RANBP17: variants seen among roughly 807,000 people sequenced by gnomAD.
RANBP17 encodes the protein ran-binding protein 17.
RANBP17 carries 158 observed loss-of-function variants against 141.2 expected under a neutral mutation model. The ratio of observed to expected loss-of-function variants is 1.12; its 90% CI spans 0.98 to 1.28. The LOEUF (loss-of-function observed/expected upper bound fraction) is 1.28. Among genes scored for constraint, RANBP17 ranks in the 50% most tolerant of loss-of-function variants. RANBP17 has a pLI of 0.00. For missense variants in RANBP17, 1,438 were observed against 1,290.7 expected (o/e 1.11, Z -1.75); for synonymous variants, 430 against 450.0 (o/e 0.96, Z 0.56).
chr5:171,118,637 A>G (rs1045630475), intron 14 of RANBP17, among the ~76,000 whole-genome samples: 1 of 151,984 alleles, frequency 6.6e-6, no homozygotes, highest in Admixed American at 6.6e-5. Flanking sequence ...ATTTCTTGGT[A>G]TTTTTGTAGC....
At chr5:171,010,197 A>G (rs1779941511) in intron 14 of RANBP17, among the ~76,000 whole-genome samples, 1 of 152,172 alleles carries the variant, frequency 6.6e-6, no homozygotes, top group African/African-American at 2.4e-5. Flanking sequence ...TTAAAGAATT[A>G]AAGAGAGATC....
chr5:170,975,977 A>G (rs1319505362), intron 14 of RANBP17, among the ~76,000 whole-genome samples: 1 of 130,416 alleles, frequency 7.7e-6, no homozygotes, highest in East Asian at 2.5e-4. Flanking sequence ...TTCTATTGAG[A>G]TAAATAGGCA....
chr5:171,265,828 A>AC lies in RANBP17; in HGVS notation c.2927dup (p.Asp977ArgfsTer17), dbSNP rs778895756. On this transcript the variant is annotated frameshift_variant, in exon 25 of 28. Transcript: ENST00000523189. LOFTEE classifies it high-confidence loss of function. Reference sequence around the variant, plus strand: ...AGACTATTACATTTTATGCAGCAAAACCCAGATGTCCTGCAGCAGGTAACT... The same window carrying AC: ...AGACTATTACATTTTATGCAGCAAAACCCCAGATGTCCTGCAGCAGGTAACT... 6.2e-7 allele frequency: 1 copy of AC among 1,613,524 alleles called. No homozygotes were observed. The highest frequency in any genetic ancestry group is 1.7e-5 in the Admixed American group (1 of 59,886).
rs571279817 is a variant in RANBP17, at chr5:171,149,976, G to A, written c.1711-20154G>A. Among the ~76,000 whole-genome samples, 26 of 152,256 alleles carry A rather than the reference G, an allele frequency of 1.7e-4. 1 individual carries two copies. In the South Asian group the frequency reaches 5.0e-3, roughly 29 times the overall value. Reference sequence around the variant, plus strand: ...CTAGTGAACAGATGTGGGGGTAGGGGGAGGCAAGCAGAGTGTTGAAGCAGG... The same window carrying A: ...CTAGTGAACAGATGTGGGGGTAGGGAGAGGCAAGCAGAGTGTTGAAGCAGG... On this transcript the variant is annotated intron_variant, in intron 14 of 27. Transcript: ENST00000523189.
chr5:170,867,582 T>A (rs1767363769), intron 1 of RANBP17, among the ~76,000 whole-genome samples: 1 of 152,148 alleles, frequency 6.6e-6, no homozygotes, highest in Non-Finnish European at 1.5e-5. Context: ...CAGTTTCTGT[T>A]TATTGTAATC....
At chr5:170,971,710 T>C (rs1053739593) in intron 14 of RANBP17, among the ~76,000 whole-genome samples, 7 of 152,230 alleles carry the variant, frequency 4.6e-5, no homozygotes, top group Admixed American at 3.9e-4. Context: ...CTGTGAATTT[T>C]ACTTTTGGAG....
At chr5:171,046,787 A>G (rs1442932358) in intron 14 of RANBP17, among the ~76,000 whole-genome samples, 1 of 152,148 alleles carries the variant, frequency 6.6e-6, no homozygotes, top group Non-Finnish European at 1.5e-5. Context: ...TTATCTTGCC[A>G]TCAATGTCAT....
intron 24 of RANBP17, among the ~76,000 whole-genome samples, chr5:171,245,958 A>C (rs1056269154): frequency 5.4e-5 from 8 of 148,222 alleles, no homozygotes; most frequent in African/African-American, 2.0e-4. Context: ...GGCTCACTGC[A>C]ACCTCCGCCT....
At chr5:171,024,605 A>G (rs765048069) in intron 14 of RANBP17, among the ~76,000 whole-genome samples, 16 of 152,190 alleles carry the variant, frequency 1.1e-4, no homozygotes, top group Non-Finnish European at 1.8e-4. Context: ...CTTATTCAAC[A>G]TAATCAACCA....
At chr5:171,103,449 C>T (rs1787319481) in intron 14 of RANBP17, among the ~76,000 whole-genome samples, 2 of 152,110 alleles carry the variant, frequency 1.3e-5, no homozygotes, top group South Asian at 4.2e-4. Flanking sequence ...ATTCCCCTCC[C>T]CCCACAAAGC....
intron 3 of RANBP17, among the ~76,000 whole-genome samples, chr5:170,882,282 A>G (rs1258088242): frequency 1.3e-5 from 2 of 152,082 alleles, no homozygotes; most frequent in Admixed American, 6.5e-5. Flanking sequence ...GGGTTTCACC[A>G]TGTTGGCCAG....
intron 21 of RANBP17, among the ~76,000 whole-genome samples, chr5:171,215,556 C>A (rs1376596720): frequency 6.6e-6 from 1 of 152,160 alleles, no homozygotes; most frequent in East Asian, 1.9e-4. Context: ...CACAGCCTGA[C>A]CAGCATCTGT....
chr5:170,997,704 T>C (rs1429688667), intron 14 of RANBP17, among the ~76,000 whole-genome samples: 1 of 152,182 alleles, frequency 6.6e-6, no homozygotes, highest in African/African-American at 2.4e-5. Context: ...GACTCACATC[T>C]ATCATTAGGG....
At chr5:171,069,923 A>G (rs1316637968) in intron 14 of RANBP17, among the ~76,000 whole-genome samples, 1 of 152,206 alleles carries the variant, frequency 6.6e-6, no homozygotes, top group Non-Finnish European at 1.5e-5. Context: ...TAACCTTCTA[A>G]AAACGGTCTG....
rs1786305107 is a variant in RANBP17 at position 171,091,817 on chromosome 5, T to G, written c.1711-78313T>G. ...CTTGCCTTTCACCTTTCACCATGAT[T>G]GTGAGGCCTCCTCAGCCACATGGAA... is the stretch of plus-strand genomic sequence containing the variant. On this transcript the variant is annotated intron_variant, in intron 14 of 27. Coordinates refer to ENST00000523189, the MANE Select transcript of RANBP17 (RefSeq NM_022897.5). Among the ~76,000 whole-genome samples the G allele has an allele frequency of 2.6e-5, 4 of 152,224 alleles. No individual in the cohort carries two copies. In the South Asian group the frequency reaches 8.3e-4, roughly 32 times the overall value.
In RANBP17 at chr5:170,910,977, C is replaced by G. The variant is rs1405053894; in HGVS notation, c.603C>G (p.Ala201=). Residue 201 remains alanine (A), a synonymous_variant, in exon 7 of 28, where the codon GCC becomes GCG. Transcript: ENST00000523189. The part of the protein sequence containing the change: ...LACSLLKEVF[A]KPLNLQDQCQ... ...TTTTGTACTTTTTTCAGGTGTTTGC[C>G]AAACCTTTAAATCTTCAGGATCAAT... 1 of 1,609,938 alleles carries G rather than the reference C, an allele frequency of 6.2e-7. No individual in the cohort carries two copies. Among genetic ancestry groups the G allele is most frequent in the African/African-American group, 1.3e-5 (1 of 74,688 alleles).
intron 24 of RANBP17, among the ~76,000 whole-genome samples, chr5:171,247,037 G>A (rs897202516): frequency 3.9e-5 from 6 of 152,188 alleles, no homozygotes; most frequent in Admixed American, 2.0e-4. Flanking sequence ...TTTACTGAAT[G>A]CATTAATTAG....
rs564838060 is a variant in RANBP17, at chr5:170,914,191, A to T, written c.785A>T (p.Asp262Val). The T allele has an allele frequency of 6.2e-7, 1 of 1,609,574 alleles. No individual in the cohort carries two copies. Residue 262 changes from aspartate (D) to valine (V), a missense_variant, in exon 8 of 28, where the codon GAT becomes GTT. Coordinates refer to ENST00000523189, the MANE Select transcript of RANBP17 (RefSeq NM_022897.5). ...GTTTTCCTGGAACCAGAAACATTGGATCTTTTCTTCAATTTGTATCATTCA... is the reference window on the plus strand; with the variant it reads ...GTTTTCCTGGAACCAGAAACATTGGTTCTTTTCTTCAATTTGTATCATTCA... ...RTIFLEPETL[D>V]LFFNLYHSLP... is the part of the protein sequence containing the mutation.
At chr5:171,030,865 G>A (rs548869310) in intron 14 of RANBP17, among the ~76,000 whole-genome samples, 1 of 152,076 alleles carries the variant, frequency 6.6e-6, no homozygotes, top group Admixed American at 6.5e-5. Context: ...TACAAAGGAT[G>A]CTTGATGGTT....
Sources: allele counts gnomAD v4.1 joint callset (sites outside exome capture counted in the v4.1 genomes callset), GRCh38; gene constraint gnomAD v4.1.1; transcripts MANE v1.5; gene names NCBI Gene and HGNC (gene_info 2026-07-23, HGNC 2026-07-21).